The following PGD variants were observed in gnomAD, a reference collection of about 807,000 sequenced individuals.
PGD encodes the protein 6-phosphogluconate dehydrogenase, decarboxylating.
A neutral mutation model predicts 60.4 loss-of-function variants in PGD; 21 were observed. The ratio of observed to expected loss-of-function variants is 0.35; its 90% CI spans 0.25 to 0.50. The LOEUF (loss-of-function observed/expected upper bound fraction) is 0.50, where lower values mean the gene tolerates loss of function less well. Ranked by LOEUF, PGD falls within the 20% of genes least tolerant of loss-of-function variation. The pLI, the probability that PGD is intolerant of heterozygous loss-of-function variation, is 0.98. For missense variants in PGD, 477 were observed against 613.1 expected, an observed-to-expected ratio of 0.78 and a Z score of 2.34; for synonymous variants, 230 against 235.9, an observed-to-expected ratio of 0.97 and a Z score of 0.23.
chr1:10,400,601 C>T, intron 3 of PGD, 29 bp downstream of exon 3: 2 of 1,540,282 alleles, frequency 1.3e-6, no homozygotes, highest in Non-Finnish European at 8.8e-7. Flanking sequence ...TCAGCTGCTA[C>T]CACGATAGCA....
intron 3 of PGD, among the ~76,000 whole-genome samples, chr1:10,401,292 G>A (rs1483378267): frequency 1.3e-5 from 2 of 152,218 alleles, no homozygotes; most frequent in African/African-American, 4.8e-5. Context: ...GGCTTTAGCA[G>A]GTATATCTTT....
intron 5 of PGD, among the ~76,000 whole-genome samples, chr1:10,405,894 T>TGGAGTGC (rs1233691920): frequency 6.6e-6 from 1 of 152,082 alleles, no homozygotes; most frequent in Admixed American, 6.5e-5. Flanking sequence ...TTGCCCAGGT[T>TGGAGTGC]GGAGTGCAGA....
intron 8 of PGD, among the ~76,000 whole-genome samples, chr1:10,414,053 C>T (rs944510582): frequency 1.3e-5 from 2 of 152,156 alleles, no homozygotes; most frequent in Admixed American, 1.3e-4. Flanking sequence ...GAGACTCCAT[C>T]CCCTCCAAAA....
chr1:10,407,501 G>T (rs564932165), intron 5 of PGD, among the ~76,000 whole-genome samples: 28 of 152,236 alleles, frequency 1.8e-4, no homozygotes, highest in African/African-American at 6.7e-4. Context: ...CAGCCTTTCT[G>T]TCTGTAGTCT....
chr1:10,400,031 G>A (rs1639289233), intron 2 of PGD: 2 of 479,102 alleles, frequency 4.2e-6, no homozygotes, highest in Non-Finnish European at 7.6e-6. Flanking sequence ...TGAGATCTGG[G>A]GAGAGTGAAA....
At chr1:10,399,594 T>A in intron 1 of PGD, 35 bp from the exon 2 acceptor site, 1 of 1,598,228 alleles carries the variant, frequency 6.3e-7, no homozygotes. Flanking sequence ...CGAGCGGTGC[T>A]GACTCTTTCC....
chr1:10,412,719 C>T (rs1639519657), intron 7 of PGD: 1 of 213,292 alleles, frequency 4.7e-6, no homozygotes, highest in African/African-American at 2.2e-5. Context: ...AACTAGTTAG[C>T]GATGACTGTG....
rs773701113 is a variant in PGD, at chr1:10,404,145, T to C, written c.331-16T>C. Reference sequence around the variant, plus strand: ...GAAACATGGAAGCATAATGAAATTATTTTTCTGTCCTTCAGAGACGGTGCC... The same window carrying C: ...GAAACATGGAAGCATAATGAAATTACTTTTCTGTCCTTCAGAGACGGTGCC... On this transcript the variant is annotated splice_polypyrimidine_tract_variant and intron_variant, in intron 4 of 12. Transcript: ENST00000270776. The C allele has an allele frequency of 1.3e-6, 2 of 1,538,934 alleles. No homozygotes were observed. Among genetic ancestry groups the C allele is most frequent in the South Asian group, 2.3e-5 (2 of 86,326 alleles).
chr1:10,401,396 C>G (rs538651267), intron 3 of PGD, among the ~76,000 whole-genome samples: 17 of 152,270 alleles, frequency 1.1e-4, no homozygotes, highest in African/African-American at 3.8e-4. Context: ...CCCAGGCACT[C>G]CCATTTAGAA....
chr1:10,401,043 A>G (rs1174080391), intron 3 of PGD, among the ~76,000 whole-genome samples: 1 of 152,188 alleles, frequency 6.6e-6, no homozygotes, highest in Non-Finnish European at 1.5e-5. Context: ...CGTCTCTACT[A>G]AAAATATAAA....
At chr1:10,404,054 C>G in intron 4 of PGD, 107 bp from the exon 5 acceptor site, 1 of 783,696 alleles carries the variant, frequency 1.3e-6, no homozygotes. Context: ...CCATTCCTAT[C>G]TTATACTTCC....
chr1:10,411,454 G>A lies in PGD; in HGVS notation c.556G>A (p.Val186Met). The A allele has an allele frequency of 6.2e-7, 1 of 1,614,022 alleles. No homozygotes were observed. Among genetic ancestry groups the A allele is most frequent in the Non-Finnish European group, 8.5e-7 (1 of 1,180,010 alleles). The change falls in exon 7 of 13, where the codon GTG (valine) becomes ATG (methionine). Residue 186 changes from valine to methionine, a missense_variant. Transcript: ENST00000270776. ...DEGAGHFVKM[V>M]HNGIEYGDMQ... ...GGGAGCAGGCCACTTCGTGAAGATG[G>A]TGCACAACGGGATAGAGTATGGGGA...
chr1:10,399,129 A>T lies in PGD; in HGVS notation c.8+4A>T. On this transcript the variant is annotated splice_donor_region_variant and intron_variant, in intron 1 of 12. Coordinates refer to ENST00000270776, the MANE Select transcript of PGD (RefSeq NM_002631.4). ...CTCTGTCCGCCGCCATGGCCCAGTG[A>T]GTGACTCGCCAGGGGCAGCCCGGCT... 6.2e-7 allele frequency: 1 copy of T among 1,609,166 alleles called. No homozygotes were observed.
chr1:10,414,484 C>T (rs1639560677), intron 8 of PGD, among the ~76,000 whole-genome samples: 1 of 151,938 alleles, frequency 6.6e-6, no homozygotes, highest in Non-Finnish European at 1.5e-5. Flanking sequence ...AAGTGATTCT[C>T]CTGCCTCAGC....
chr1:10,417,497 G>A lies in PGD; in HGVS notation c.1097G>A (p.Cys366Tyr), dbSNP rs1639617037. The change falls in exon 10 of 13, where the codon TGC (cysteine) becomes TAC (tyrosine). Residue 366 changes from cysteine to tyrosine, a missense_variant. Around this residue, in one of 3 missense-constraint regions of PGD, gnomAD observed 431 missense variants for 556.6 expected, o/e 0.77. Transcript: ENST00000270776. ...GGIALMWRGG[C>Y]IIRSVFLGKI... ...ATCGCCCTGATGTGGAGAGGGGGCTGCATCATTAGAAGGTAAGTGAGAGGC... is the reference window on the plus strand; with the variant it reads ...ATCGCCCTGATGTGGAGAGGGGGCTACATCATTAGAAGGTAAGTGAGAGGC... 3 of 1,611,044 alleles carry A rather than the reference G, an allele frequency of 1.9e-6. No homozygotes were observed. The highest frequency in any genetic ancestry group is 2.5e-6 in the Non-Finnish European group (3 of 1,178,766).
intron 8 of PGD, 129 bp downstream of exon 8, chr1:10,413,380 T>C (rs1639532956): frequency 1.3e-6 from 1 of 746,864 alleles, no homozygotes; most frequent in Non-Finnish European, 2.1e-6. Context: ...CTTTTGCTCT[T>C]TCTTGCGTTG....
At chr1:10,411,082 G>GT (rs1164682798) in intron 6 of PGD, among the ~76,000 whole-genome samples, 1 of 152,004 alleles carries the variant, frequency 6.6e-6, no homozygotes, top group Non-Finnish European at 1.5e-5. Context: ...TTTCTTGTGG[G>GT]TGGGGGCTGG....
chr1:10,401,875 C>T (rs532219989), intron 3 of PGD, among the ~76,000 whole-genome samples: 3 of 152,068 alleles, frequency 2.0e-5, no homozygotes, highest in South Asian at 2.1e-4. Context: ...ATTAGCCAGG[C>T]GTGGTGGTGG....
At position 10,401,711 on chromosome 1, in the gene PGD, A is replaced by G. The variant is rs780783509; in HGVS notation, c.264+1139A>G. 2.1e-3 allele frequency among the ~76,000 whole-genome samples: 317 copies of G among 152,286 alleles called. 2 individuals carry two copies. The highest frequency in any genetic ancestry group is 2.8e-3 in the Non-Finnish European group (192 of 68,022). Reference sequence around the variant, plus strand: ...TTAACTGGAGCCTTGTAGGGGGAAGATTGAATAATATAATGAAGCCCAGGC... The same window carrying G: ...TTAACTGGAGCCTTGTAGGGGGAAGGTTGAATAATATAATGAAGCCCAGGC... On this transcript the variant is annotated intron_variant, in intron 3 of 12. Transcript: ENST00000270776.
Sources: gnomAD v4.1 joint callset for allele counts (sites outside exome capture counted in the v4.1 genomes callset) on GRCh38, gnomAD v4.1.1 for gene constraint, gnomAD v4.1.1 regional missense constraint, MANE v1.5 for transcripts, NCBI Gene and HGNC (gene_info 2026-07-23, HGNC 2026-07-21) for gene names.